Variants in HMGCLL1 observed in about 807,000 individuals in gnomAD.
HMGCLL1 encodes 3-hydroxy-3-methylglutaryl-CoA lyase like 1.
In HMGCLL1, 36 loss-of-function variants were observed where a neutral mutation model predicts 39.1. The observed-to-expected ratio is 0.92, with a 90% CI of 0.71 to 1.22. The LOEUF (loss-of-function observed/expected upper bound fraction) is 1.22. Among genes scored for constraint, HMGCLL1 ranks in the 50% most tolerant of loss-of-function variants. The pLI, the probability that HMGCLL1 is intolerant of heterozygous loss-of-function variation, is 0.00. For synonymous variants in HMGCLL1, 149 were observed against 144.0 expected, an observed-to-expected ratio of 1.03 and a Z score of -0.25; for missense variants, 451 against 416.5, an observed-to-expected ratio of 1.08 and a Z score of -0.72.
At chr6:55,544,712 G>T (rs1769858926) in intron 1 of HMGCLL1, among the ~76,000 whole-genome samples, 2 of 152,112 alleles carry the variant, frequency 1.3e-5, no homozygotes, top group African/African-American at 4.8e-5. Flanking sequence ...TGAGCTATCA[G>T]CAAAAGAACC....
intron 7 of HMGCLL1, among the ~76,000 whole-genome samples, chr6:55,446,349 T>C (rs1763840458): frequency 6.7e-6 from 1 of 149,876 alleles, no homozygotes; most frequent in Non-Finnish European, 1.5e-5. Flanking sequence ...AATACATTTA[T>C]ATAATTATAA....
chr6:55,470,214 T>C (rs1033463478), intron 7 of HMGCLL1, among the ~76,000 whole-genome samples: 2 of 151,926 alleles, frequency 1.3e-5, no homozygotes, highest in African/African-American at 4.8e-5. Flanking sequence ...CATCGCACTA[T>C]AATTGTTGTT....
At chr6:55,600,686 A>T in the HMGCLL1 span, among the ~76,000 whole-genome samples, 4 of 152,272 alleles carry the variant, frequency 2.6e-5, no homozygotes, top group East Asian at 7.7e-4. Flanking sequence ...CATAAAAAAC[A>T]TTTTTATGTG....
chr6:55,485,319 T>C, intron 7 of HMGCLL1, among the ~76,000 whole-genome samples: 1 of 151,942 alleles, frequency 6.6e-6, no homozygotes, highest in East Asian at 1.9e-4. Flanking sequence ...TGTGTGTGTG[T>C]TGGGGGGGTG....
chr6:55,528,442 G>C (rs1768445351), intron 3 of HMGCLL1, among the ~76,000 whole-genome samples: 1 of 152,004 alleles, frequency 6.6e-6, no homozygotes, highest in Non-Finnish European at 1.5e-5. Context: ...GGGTGAAAAT[G>C]CTGTAGCCAG....
intron 1 of HMGCLL1, among the ~76,000 whole-genome samples, chr6:55,568,572 T>C (rs1414497605): frequency 1.3e-5 from 2 of 152,278 alleles, no homozygotes; most frequent in East Asian, 3.9e-4. Flanking sequence ...TCAGGGGTTA[T>C]ATTGGGCTCA....
At chr6:55,585,375 T>G in the HMGCLL1 span, among the ~76,000 whole-genome samples, 1 of 152,122 alleles carries the variant, frequency 6.6e-6, no homozygotes, top group Non-Finnish European at 1.5e-5. Context: ...TTTACTTTGT[T>G]AGATGGTTGA....
the HMGCLL1 span, among the ~76,000 whole-genome samples, chr6:55,653,236 A>C: frequency 6.6e-6 from 1 of 152,206 alleles, no homozygotes; most frequent in Admixed American, 6.5e-5. Context: ...ACTAACAAAA[A>C]AAAAGTTCTT....
intron 3 of HMGCLL1, among the ~76,000 whole-genome samples, chr6:55,539,478 C>G (rs1442042797): frequency 6.6e-6 from 1 of 152,154 alleles, no homozygotes; most frequent in South Asian, 2.1e-4. Flanking sequence ...AGATAATGTA[C>G]TCCTGTATAC....
chr6:55,445,503 T>C (rs1763784450), intron 7 of HMGCLL1, among the ~76,000 whole-genome samples: 2 of 152,046 alleles, frequency 1.3e-5, no homozygotes, highest in East Asian at 3.9e-4. Context: ...TGAAATCATA[T>C]CATTGTGTGT....
the HMGCLL1 span, among the ~76,000 whole-genome samples, chr6:55,627,156 A>G: frequency 6.6e-6 from 1 of 151,946 alleles, no homozygotes; most frequent in Non-Finnish European, 1.5e-5. Context: ...ACCAGCTATG[A>G]CCACGTGACC....
At chr6:55,504,158 A>G (rs556135934) in intron 5 of HMGCLL1, among the ~76,000 whole-genome samples, 2 of 151,908 alleles carry the variant, frequency 1.3e-5, no homozygotes, top group African/African-American at 2.4e-5. Flanking sequence ...TTATTTCAAT[A>G]AAAGTAAGCT....
At chr6:55,614,822 G>C in the HMGCLL1 span, among the ~76,000 whole-genome samples, 4 of 152,010 alleles carry the variant, frequency 2.6e-5, no homozygotes, top group African/African-American at 9.7e-5. Flanking sequence ...CTAAGCAACA[G>C]CAACAATATT....
intron 7 of HMGCLL1, among the ~76,000 whole-genome samples, chr6:55,469,277 C>T (rs1764926498): frequency 1.3e-5 from 2 of 150,590 alleles, no homozygotes; most frequent in Non-Finnish European, 3.0e-5. Flanking sequence ...CATGGAAGTA[C>T]AATTTTTTTT....
At chr6:55,611,894 C>G in the HMGCLL1 span, among the ~76,000 whole-genome samples, 1 of 152,096 alleles carries the variant, frequency 6.6e-6, no homozygotes, top group South Asian at 2.1e-4. Flanking sequence ...AAAACCAGCA[C>G]AAGAAAAGGA....
Position 55,548,769 on chromosome 6 carries a change from T to C in HMGCLL1, c.109-6629A>G, listed in dbSNP as rs534053660. On this transcript the variant is annotated intron_variant, in intron 1 of 8. Coordinates refer to ENST00000274901, the MANE Select transcript of HMGCLL1 (RefSeq NM_001042406.2). ...AATATGAGATTAAAATAGATAATAG[T>C]AAGTAGATTAGAGAATATTAAGTAA... 4.6e-5 allele frequency among the ~76,000 whole-genome samples: 7 copies of C among 151,824 alleles called. No homozygotes were observed. In the East Asian group the frequency reaches 1.4e-3, roughly 29 times the overall value.
chr6:55,578,704 G>C (rs1157645417), intron 1 of HMGCLL1, among the ~76,000 whole-genome samples: 1 of 152,236 alleles, frequency 6.6e-6, no homozygotes, highest in Non-Finnish European at 1.5e-5. Flanking sequence ...TAGGCGACCA[G>C]CAAATGGTCA....
intron 7 of HMGCLL1, among the ~76,000 whole-genome samples, chr6:55,458,181 A>G (rs1403058640): frequency 6.6e-6 from 1 of 152,186 alleles, no homozygotes; most frequent in Non-Finnish European, 1.5e-5. Context: ...ATTTAAAATG[A>G]CATGTAATGC....
chr6:55,534,290 C>T (rs1030500219), intron 3 of HMGCLL1, among the ~76,000 whole-genome samples: 5 of 151,974 alleles, frequency 3.3e-5, no homozygotes, highest in African/African-American at 1.2e-4. Context: ...ATAAAAAGAC[C>T]TCAGTGGTAT....
Sources: gnomAD v4.1 joint callset for allele counts (sites outside exome capture counted in the v4.1 genomes callset) on GRCh38, gnomAD v4.1.1 for gene constraint, MANE v1.5 for transcripts, NCBI Gene and HGNC (gene_info 2026-07-23, HGNC 2026-07-21) for gene names.